The following PSMD2 variants were observed in gnomAD, a reference collection of about 807,000 sequenced individuals.
PSMD2 encodes the protein proteasome 26S subunit ubiquitin receptor, non-ATPase 2.
Under a neutral mutation model 101.5 loss-of-function variants are expected in PSMD2, and 8 were observed. The ratio of observed to expected loss-of-function variants is 0.08; its 90% CI spans 0.05 to 0.14. The LOEUF (loss-of-function observed/expected upper bound fraction) is 0.14, where lower values mean the gene tolerates loss of function less well. Ranked by LOEUF, PSMD2 falls within the 10% of genes least tolerant of loss-of-function variation. The pLI is 1.00. For synonymous variants in PSMD2, 418 were observed against 433.8 expected (o/e 0.96, Z 0.45); for missense variants, 784 against 1,147.4 (o/e 0.68, Z 4.58).
intron 8 of PSMD2, 69 bp downstream of exon 8, chr3:184,303,131 C>T: frequency 3.2e-6 from 5 of 1,551,100 alleles, no homozygotes; most frequent in Non-Finnish European, 4.4e-6. Flanking sequence ...GGAGTGATGG[C>T]TTGGCCAACA....
intron 5 of PSMD2, 127 bp downstream of exon 5, chr3:184,302,198 T>C: frequency 8.3e-7 from 1 of 1,207,170 alleles, no homozygotes; most frequent in Non-Finnish European, 1.2e-6. Context: ...AATCTTTTGA[T>C]GTGTGTGAGT....
In PSMD2 at chr3:184,302,528, T is replaced by C. The variant is rs1721680728; in HGVS notation, c.863T>C (p.Val288Ala). 1 of 1,613,764 alleles carries C rather than the reference T, an allele frequency of 6.2e-7. No individual in the cohort carries two copies. The highest frequency in any genetic ancestry group is 8.5e-7 in the Non-Finnish European group (1 of 1,179,910). ...VEDIFTSCKD[V>A]VVQKQMAFML... ...GACATCTTCACCTCCTGCAAGGATGTGTATGTAGGGAAGAAGCTGGCAAAG... is the reference window on the plus strand; with the variant it reads ...GACATCTTCACCTCCTGCAAGGATGCGTATGTAGGGAAGAAGCTGGCAAAG... The change falls in exon 6 of 21, where the codon GTG becomes GCG. Residue 288 changes from valine (V) to alanine (A), a missense_variant and splice_region_variant. Transcript: ENST00000310118.
chr3:184,307,473 T>C lies in PSMD2; in HGVS notation c.2151T>C (p.Ala717=). The change falls in exon 17 of 21, where the codon GCT becomes GCC. Residue 717 remains alanine (A), a synonymous_variant. Coordinates refer to ENST00000310118, the MANE Select transcript of PSMD2 (RefSeq NM_002808.5). ...CCCTAAGCAAATTCTCTCATGATGC[T>C]GATCCAGAAGTTTCCTATAACTCCA... The part of the protein sequence containing the change: ...LDTLSKFSHD[A]DPEVSYNSIF... The C allele has an allele frequency of 6.2e-7, 1 of 1,614,252 alleles. No homozygotes were observed. The highest frequency in any genetic ancestry group is 8.5e-7 in the Non-Finnish European group (1 of 1,180,048).
intron 6 of PSMD2, 28 bp downstream of exon 6, chr3:184,302,556 A>G (rs1370424120): frequency 4.3e-6 from 7 of 1,613,198 alleles, no homozygotes; most frequent in Non-Finnish European, 5.1e-6. Context: ...TGGCAAAGAG[A>G]TAAGCTTACG....
Position 184,304,723 on chromosome 3 carries a change from C to CAAAAAA in PSMD2, c.1539+333_1539+338dup, listed in dbSNP as rs1474187263. ...CAAGATTGTGAAACCCCATTTCTACCAAAAAATAAACAGAAAAATTAGCCG... is the reference window on the plus strand; with the variant it reads ...CAAGATTGTGAAACCCCATTTCTACCAAAAAAAAAAAATAAACAGAAAAATTAGCCG... On this transcript the variant is annotated intron_variant, in intron 12 of 20. Coordinates refer to ENST00000310118, the MANE Select transcript of PSMD2 (RefSeq NM_002808.5). The surrounding 1 kb of genome is among the most constrained non-coding windows in gnomAD (Gnocchi z 4.1). Among the ~76,000 whole-genome samples the CAAAAAA allele has an allele frequency of 6.6e-6, 1 of 151,824 alleles. No homozygotes were observed. Among genetic ancestry groups the CAAAAAA allele is most frequent in the Non-Finnish European group, 1.5e-5 (1 of 67,956 alleles).
rs1721745401 is a variant in PSMD2, at chr3:184,304,181, T to C, written c.1451+107T>C. 1 of 1,553,390 alleles carries C rather than the reference T, an allele frequency of 6.4e-7. No individual in the cohort carries two copies. The highest frequency in any genetic ancestry group is 1.7e-5 in the Admixed American group (1 of 59,780). On this transcript the variant is annotated intron_variant, in intron 11 of 20. Coordinates refer to ENST00000310118, the MANE Select transcript of PSMD2 (RefSeq NM_002808.5). This position sits in a 1 kb window ranked among gnomAD's most constrained non-coding sequence, Gnocchi z 4.1. Reference sequence around the variant, plus strand: ...TGCCAAGGGCTACCACTGTGCCTATTGGGTATCTGGCTCTTGGTGAATGTT... The same window carrying C: ...TGCCAAGGGCTACCACTGTGCCTATCGGGTATCTGGCTCTTGGTGAATGTT...
intron 12 of PSMD2, among the ~76,000 whole-genome samples, chr3:184,305,445 C>T (rs1229448849): frequency 3.4e-5 from 5 of 148,986 alleles, no homozygotes; most frequent in African/African-American, 5.0e-5. Context: ...GCCAAAATCG[C>T]GACACTGCAC....
At position 184,304,204 on chromosome 3, in the gene PSMD2, GT is replaced by G; in HGVS notation, c.1452-97del. On this transcript the variant is annotated intron_variant, in intron 11 of 20. Coordinates refer to ENST00000310118, the MANE Select transcript of PSMD2 (RefSeq NM_002808.5). The surrounding 1 kb of genome is among the most constrained non-coding windows in gnomAD (Gnocchi z 4.1). ...ATTGGGTATCTGGCTCTTGGTGAAT[GT>G]TTGTTGAAATGGTGAATGAATGACC... is the stretch of plus-strand genomic sequence containing the variant. The G allele has an allele frequency of 1.9e-6, 3 of 1,555,060 alleles. No individual in the cohort carries two copies. The highest frequency in any genetic ancestry group is 1.4e-5 in the African/African-American group (1 of 73,638).
Position 184,304,106 on chromosome 3 carries a change from C to T in PSMD2, c.1451+32C>T. 1 of 1,612,692 alleles carries T rather than the reference C, an allele frequency of 6.2e-7. No homozygotes were observed. Among genetic ancestry groups the T allele is most frequent in the South Asian group, 1.1e-5 (1 of 91,054 alleles). ...TTCCTCGCTTGTCTTTCTGGTAGTG[C>T]TCAGCCTGTACACTCTGGAGAACAG... On this transcript the variant is annotated intron_variant, in intron 11 of 20. Transcript: ENST00000310118. This position sits in a 1 kb window ranked among gnomAD's most constrained non-coding sequence, Gnocchi z 4.1.
Position 184,308,146 on chromosome 3 carries a change from CTTTGG to C in PSMD2, c.2425+131_2425+135del. The C allele has an allele frequency of 1.6e-6, 2 of 1,249,048 alleles. No homozygotes were observed. Among genetic ancestry groups the C allele is most frequent in the Non-Finnish European group, 2.2e-6 (2 of 915,218 alleles). 77.4% of individuals were successfully genotyped at this position (1,249,048 alleles called of 1,614,324 possible). ...TATCGCTCTAGGTTTCTGAGACAGG[CTTTGG>C]GCCTGTGACATGAGACTTTCATCAC... On this transcript the variant is annotated intron_variant, in intron 19 of 20. Transcript: ENST00000310118. The surrounding 1 kb of genome is among the most constrained non-coding windows in gnomAD (Gnocchi z 6.0).
At chr3:184,303,590 A>G in intron 9 of PSMD2, 53 bp from the exon 10 acceptor site, 2 of 1,610,840 alleles carry the variant, frequency 1.2e-6, no homozygotes, top group East Asian at 2.2e-5. Context: ...TTATAATAAC[A>G]GGATCCTCAG....
intron 2 of PSMD2, among the ~76,000 whole-genome samples, 172 bp from the exon 3 acceptor site, chr3:184,300,108 T>G (rs1317156376): frequency 6.6e-6 from 1 of 152,022 alleles, no homozygotes; most frequent in Non-Finnish European, 1.5e-5. Flanking sequence ...TCTTACCTCT[T>G]AACTTGGGTC....
chr3:184,301,336 CAAA>C (rs112455702), intron 3 of PSMD2, among the ~76,000 whole-genome samples, 198 bp from the exon 4 acceptor site: 9 of 90,336 alleles, frequency 1.0e-4, no homozygotes, highest in African/African-American at 2.1e-4. Context: ...AACTGAGTCT[CAAA>C]AAAAAAAAAA....
rs758811833 is a variant in PSMD2 at position 184,304,344 on chromosome 3, C to G, written c.1492C>G (p.Leu498Val). ...AYAGSNREDV[L>V]TLLLPVMGDS... ...TGCTGGCTCAAATCGTGAAGATGTC[C>G]TAACACTGCTGCTGCCTGTGATGGG... Residue 498 changes from leucine (L) to valine (V), a missense_variant, in exon 12 of 21, where the codon CTA (leucine) becomes GTA (valine). By Grantham distance (32) the Leu-to-Val change is conservative. Coordinates refer to ENST00000310118, the MANE Select transcript of PSMD2 (RefSeq NM_002808.5). This position sits in a 1 kb window ranked among gnomAD's most constrained non-coding sequence, Gnocchi z 4.1. 6.2e-7 allele frequency: 1 copy of G among 1,614,094 alleles called. No homozygotes were observed. Among genetic ancestry groups the G allele is most frequent in the African/African-American group, 1.3e-5 (1 of 74,930 alleles).
intron 9 of PSMD2, 29 bp from the exon 10 acceptor site, chr3:184,303,614 T>C: frequency 1.2e-6 from 2 of 1,613,750 alleles, no homozygotes; most frequent in Non-Finnish European, 1.7e-6. Context: ...AGGGCCATTT[T>C]AAGACTAATA....
intron 8 of PSMD2, 123 bp from the exon 9 acceptor site, chr3:184,303,197 G>T (rs565515411): frequency 5.3e-6 from 8 of 1,496,396 alleles, no homozygotes; most frequent in South Asian, 4.6e-5. Context: ...CACTGCTTGG[G>T]GGGGTATAGG....
chr3:184,299,873 A>G lies in PSMD2; in HGVS notation c.158A>G (p.Gln53Arg). 1 of 1,613,970 alleles carries G rather than the reference A, an allele frequency of 6.2e-7. No individual in the cohort carries two copies. The highest frequency in any genetic ancestry group is 1.3e-5 in the African/African-American group (1 of 75,052). ...QELSEEDKQLQDELEMLVERL... is the reference protein window; with the variant it reads ...QELSEEDKQLRDELEMLVERL... ...CAGTCTGAAGAGGATAAACAGCTTCAAGATGAACTGGAGATGCTCGTGGAA... is the reference window on the plus strand; with the variant it reads ...CAGTCTGAAGAGGATAAACAGCTTCGAGATGAACTGGAGATGCTCGTGGAA... The change falls in exon 2 of 21, where the codon CAA becomes CGA. Residue 53 changes from glutamine to arginine, a missense_variant. By Grantham distance (43) the Gln-to-Arg change is conservative (BLOSUM62 1). Coordinates refer to ENST00000310118, the MANE Select transcript of PSMD2 (RefSeq NM_002808.5).
At position 184,305,545 on chromosome 3, in the gene PSMD2, C is replaced by T. The variant is rs141191333; in HGVS notation, c.1540-223C>T. Among the ~76,000 whole-genome samples, 790 of 150,720 alleles carry T rather than the reference C, an allele frequency of 5.2e-3. 14 individuals are homozygous for T. Among genetic ancestry groups the T allele is most frequent in the Admixed American group, 0.03 (451 of 15,162 alleles). On this transcript the variant is annotated intron_variant, in intron 12 of 20. Transcript: ENST00000310118. The stretch of plus-strand genomic sequence containing the variant: ...AACCTCAGGATCTGTGACCTTGGGG[C>T]TGTCACAAGGGTTAAATGTCAATAG...
In PSMD2 at chr3:184,302,269, T is replaced by C. The variant is rs1370184948; in HGVS notation, c.705-101T>C. On this transcript the variant is annotated intron_variant, in intron 5 of 20. Transcript: ENST00000310118. Reference sequence around the variant, plus strand: ...TTCTAACATCTAGCACAGTGCCTGGTGTATATAGTAGATATTTATTATTTA... The same window carrying C: ...TTCTAACATCTAGCACAGTGCCTGGCGTATATAGTAGATATTTATTATTTA... The C allele has an allele frequency of 3.1e-6, 4 of 1,292,584 alleles. No homozygotes were observed. The African/African-American group carries it at 4.5e-5, about 14-fold the overall frequency. 80.1% of individuals were successfully genotyped at this position (1,292,584 alleles called of 1,614,324 possible).
Sources: allele counts gnomAD v4.1 joint callset (sites outside exome capture counted in the v4.1 genomes callset), GRCh38; gene constraint gnomAD v4.1.1; non-coding constraint Gnocchi (gnomAD v3.1); transcripts MANE v1.5; gene names NCBI Gene and HGNC (gene_info 2026-07-23, HGNC 2026-07-21).